Variants in PCCA observed in about 807,000 individuals in gnomAD.
PCCA encodes propionyl-CoA carboxylase subunit alpha, also known as propionyl-CoA carboxylase alpha chain, mitochondrial.
PCCA carries 74 observed loss-of-function variants against 101.3 expected under a neutral mutation model. The observed-to-expected ratio is 0.73, with a 90% CI of 0.61 to 0.89. The LOEUF is 0.89. PCCA is among the 40% of genes least tolerant of loss of function. The pLI, the probability that PCCA is intolerant of heterozygous loss-of-function variation, is 0.00. For synonymous variants in PCCA, 294 were observed against 313.6 expected (o/e 0.94, Z 0.66); for missense variants, 891 against 907.0 (o/e 0.98, Z 0.23).
chr13:100,331,146 ATAAAG>A (rs929220154), intron 17 of PCCA, among the ~76,000 whole-genome samples: 9 of 152,236 alleles, frequency 5.9e-5, no homozygotes, highest in Non-Finnish European at 1.0e-4. Context: ...GAAGTTTTCA[ATAAAG>A]TAATGAGTGG....
chr13:100,220,417 G>A (rs1192747324), intron 7 of PCCA, among the ~76,000 whole-genome samples: 2 of 145,866 alleles, frequency 1.4e-5, no homozygotes, highest in East Asian at 2.1e-4. Context: ...GAGCCACCAT[G>A]CCTGACTAAT....
At chr13:100,127,663 C>G (rs1413350008) in intron 4 of PCCA, among the ~76,000 whole-genome samples, 1 of 152,102 alleles carries the variant, frequency 6.6e-6, no homozygotes, top group South Asian at 2.1e-4. Flanking sequence ...GAGGCCGAGG[C>G]AGGCGGATCA....
At chr13:100,447,671 T>C (rs2080935059) in intron 20 of PCCA, among the ~76,000 whole-genome samples, 2 of 141,752 alleles carry the variant, frequency 1.4e-5, no homozygotes, top group Non-Finnish European at 3.0e-5. Context: ...AAACTCTGTC[T>C]CAAAAAAAAA....
At chr13:100,254,868 G>C (rs1322054471) in intron 8 of PCCA, among the ~76,000 whole-genome samples, 1 of 151,916 alleles carries the variant, frequency 6.6e-6, no homozygotes, top group Admixed American at 6.6e-5. Flanking sequence ...GATTGCTTAA[G>C]GCCAGGAGTT....
At chr13:100,476,343 T>G (rs1021029410) in intron 21 of PCCA, among the ~76,000 whole-genome samples, 4 of 152,244 alleles carry the variant, frequency 2.6e-5, no homozygotes, top group African/African-American at 4.8e-5. Flanking sequence ...TTGTCAAAGC[T>G]TCAAATACCA....
chr13:100,509,151 C>T (rs1396877922), intron 21 of PCCA, among the ~76,000 whole-genome samples: 1 of 143,762 alleles, frequency 7.0e-6, no homozygotes, highest in Non-Finnish European at 1.5e-5. Context: ...TTTCACAACG[C>T]TGAAAGATAC....
At chr13:100,185,384 C>G (rs1280921903) in intron 6 of PCCA, among the ~76,000 whole-genome samples, 1 of 151,750 alleles carries the variant, frequency 6.6e-6, no homozygotes, top group Non-Finnish European at 1.5e-5. Flanking sequence ...CAGTTTTGCT[C>G]TGTCTCCCAG....
intron 16 of PCCA, among the ~76,000 whole-genome samples, chr13:100,315,271 C>G (rs898487585): frequency 6.7e-6 from 1 of 149,948 alleles, no homozygotes; most frequent in African/African-American, 2.5e-5. Context: ...GAAATAATTT[C>G]AAAATTTAAA....
chr13:100,241,386 G>C (rs2061125585), intron 8 of PCCA, among the ~76,000 whole-genome samples: 1 of 152,152 alleles, frequency 6.6e-6, no homozygotes, highest in African/African-American at 2.4e-5. Context: ...ACACAGAATA[G>C]TGTTTTTAAG....
At chr13:100,513,841 A>G (rs552911144) in intron 21 of PCCA, among the ~76,000 whole-genome samples, 1 of 152,330 alleles carries the variant, frequency 6.6e-6, no homozygotes, top group East Asian at 1.9e-4. Flanking sequence ...CTAGAAAAGT[A>G]ACTTTTTTGT....
In PCCA at chr13:100,296,942, C is replaced by G. The variant is rs182107101; in HGVS notation, c.1066-4518C>G. On this transcript the variant is annotated intron_variant, in intron 12 of 23. Coordinates refer to ENST00000376285, the MANE Select transcript of PCCA (RefSeq NM_000282.4). The stretch of plus-strand genomic sequence containing the variant: ...CCTGCATTGCATTTAGTTGTTGTAT[C>G]TCTTTATTCTCTCTCAATCTGGAAT... Among the ~76,000 whole-genome samples, 131 of 152,264 alleles carry G rather than the reference C, an allele frequency of 8.6e-4. 1 individual carries two copies. Among genetic ancestry groups the G allele is most frequent in the Non-Finnish European group, 1.6e-3 (110 of 68,010 alleles).
intron 21 of PCCA, among the ~76,000 whole-genome samples, chr13:100,459,912 G>C (rs1282965652): frequency 2.0e-5 from 3 of 152,318 alleles, no homozygotes; most frequent in Admixed American, 2.0e-4. Flanking sequence ...TGCAAACTCT[G>C]ATCTTCCTTC....
At chr13:100,245,885 T>C (rs1270069530) in intron 8 of PCCA, among the ~76,000 whole-genome samples, 3 of 152,196 alleles carry the variant, frequency 2.0e-5, no homozygotes, top group Non-Finnish European at 4.4e-5. Flanking sequence ...TGGAAGCTTA[T>C]TGGGGGAAAT....
chr13:100,324,036 A>T (rs2068368419), intron 16 of PCCA, among the ~76,000 whole-genome samples: 1 of 152,222 alleles, frequency 6.6e-6, no homozygotes, highest in Non-Finnish European at 1.5e-5. Context: ...CTTATGCAGC[A>T]TGATGGTACA....
At chr13:100,501,873 CAATA>C (rs369191551) in intron 21 of PCCA, among the ~76,000 whole-genome samples, 25,802 of 150,148 alleles carry the variant, frequency 0.17, 2,767 homozygotes, top group Non-Finnish European at 0.23. Context: ...CACTCCTTCT[CAATA>C]AATAAATAAA....
At chr13:100,443,479 G>T (rs554494017) in intron 20 of PCCA, among the ~76,000 whole-genome samples, 119 of 151,764 alleles carry the variant, frequency 7.8e-4, no homozygotes, top group African/African-American at 2.8e-3. Context: ...AATGTTTCAT[G>T]ACCCATGAGA....
rs540095493 is a variant in PCCA, at chr13:100,224,062, C to G, written c.601-11780C>G. On this transcript the variant is annotated intron_variant, in intron 7 of 23. Coordinates refer to ENST00000376285, the MANE Select transcript of PCCA (RefSeq NM_000282.4). ...CGCCGTGCGCCCGCACTCCTCAGCC[C>G]TTGGGTGGTCGATGGGACTGGGCAC... Among the ~76,000 whole-genome samples, 12 of 152,210 alleles carry G rather than the reference C, an allele frequency of 7.9e-5. No homozygotes were observed. The South Asian group carries it at 2.5e-3, about 32-fold the overall frequency.
intron 21 of PCCA, among the ~76,000 whole-genome samples, chr13:100,478,800 G>T (rs1163327840): frequency 6.6e-6 from 1 of 152,178 alleles, no homozygotes; most frequent in Admixed American, 6.5e-5. Flanking sequence ...TTCTGGATAA[G>T]CCTAGTAGAA....
At chr13:100,460,902 T>C (rs1245124778) in intron 21 of PCCA, among the ~76,000 whole-genome samples, 1 of 152,214 alleles carries the variant, frequency 6.6e-6, no homozygotes, top group Non-Finnish European at 1.5e-5. Context: ...TATGTAAATA[T>C]GTGACCCTTA....
Sources: allele counts gnomAD v4.1 joint callset (sites outside exome capture counted in the v4.1 genomes callset), GRCh38; gene constraint gnomAD v4.1.1; transcripts MANE v1.5; gene names NCBI Gene and HGNC (gene_info 2026-07-23, HGNC 2026-07-21).